The following VPS16 variants were observed in gnomAD, a reference collection of about 807,000 sequenced individuals.
VPS16 encodes the protein vacuolar protein sorting-associated protein 16 homolog.
A neutral mutation model predicts 116.0 loss-of-function variants in VPS16; 82 were observed. The ratio of observed to expected loss-of-function variants is 0.71; its 90% CI spans 0.59 to 0.85. The LOEUF (loss-of-function observed/expected upper bound fraction) is 0.85. Ranked by LOEUF, VPS16 falls within the 40% of genes least tolerant of loss-of-function variation. The pLI is 0.00. For synonymous variants in VPS16, 406 were observed against 420.7 expected (o/e 0.96, Z 0.43); for missense variants, 928 against 1,090.6 (o/e 0.85, Z 2.10).
intron 1 of VPS16, among the ~76,000 whole-genome samples, chr20:2,852,408 G>A (rs1039082640): frequency 6.6e-6 from 1 of 152,070 alleles, no homozygotes; most frequent in Admixed American, 6.6e-5. Flanking sequence ...GAGGCAATGC[G>A]TTGATAACTG....
In VPS16 at chr20:2,860,921, T is replaced by C. The variant is rs772105647; in HGVS notation, c.631-49T>C. 30 of 1,613,922 alleles carry C rather than the reference T, an allele frequency of 1.9e-5. No homozygotes were observed. The highest frequency in any genetic ancestry group is 1.2e-4 in the Admixed American group (7 of 60,014). ...GCTGGGTTAGGCAATAGGGAGGTTC[T>C]GAAAAGTCAGTATGTATCTGTCCCA... On this transcript the variant is annotated intron_variant, in intron 6 of 23. Transcript: ENST00000380445. The surrounding 1 kb of genome is among the most constrained non-coding windows in gnomAD (Gnocchi z 6.1).
chr20:2,859,169 A>G (rs1346883294), intron 1 of VPS16, among the ~76,000 whole-genome samples: 1 of 152,058 alleles, frequency 6.6e-6, no homozygotes, highest in African/African-American at 2.4e-5. Context: ...GTGGTAGTGC[A>G]CCCTGGAGTT....
In VPS16 at chr20:2,861,649, G is replaced by A. The variant is rs750478239; in HGVS notation, c.844G>A (p.Val282Met). The A allele has an allele frequency of 1.2e-6, 2 of 1,613,076 alleles. No individual in the cohort carries two copies. The highest frequency in any genetic ancestry group is 1.3e-5 in the African/African-American group (1 of 74,906). Residue 282 changes from valine to methionine, a missense_variant, in exon 9 of 24, where the codon GTG becomes ATG. By Grantham distance (21) the Val-to-Met change is conservative (BLOSUM62 1). Coordinates refer to ENST00000380445, the MANE Select transcript of VPS16 (RefSeq NM_022575.4). ...TCCTCGTAGCAAGGAGAGGGCCGTG[G>A]TGGTGGCCTGGGAAAGGCGGCTGAT... is the stretch of plus-strand genomic sequence containing the variant. Reference protein sequence around the residue: ...SRPRSKERAVVVAWERRLMVV... With the variant: ...SRPRSKERAVMVAWERRLMVV...
chr20:2,844,736 A>G (rs2089041293), intron 1 of VPS16, among the ~76,000 whole-genome samples: 1 of 152,194 alleles, frequency 6.6e-6, no homozygotes, highest in African/African-American at 2.4e-5. Context: ...GGGGATGAGT[A>G]GATGTAGGTG....
chr20:2,847,687 A>G (rs967587103), intron 1 of VPS16, among the ~76,000 whole-genome samples: 2 of 151,860 alleles, frequency 1.3e-5, no homozygotes, highest in Non-Finnish European at 2.9e-5. Context: ...CCATGTTGGT[A>G]AGGATGGTCT....
At chr20:2,851,249 G>A (rs1179289868) in intron 1 of VPS16, among the ~76,000 whole-genome samples, 3 of 152,190 alleles carry the variant, frequency 2.0e-5, no homozygotes, top group African/African-American at 7.2e-5. Context: ...TCAGCCTGGG[G>A]TGTTAGGTGG....
chr20:2,853,650 T>G lies in VPS16; in HGVS notation c.54-6069T>G, dbSNP rs190822969. Among the ~76,000 whole-genome samples the G allele has an allele frequency of 1.8e-4, 28 of 152,232 alleles. No homozygotes were observed. The East Asian group carries it at 4.8e-3, about 26-fold the overall frequency. On this transcript the variant is annotated intron_variant, in intron 1 of 23. Coordinates refer to ENST00000380445, the MANE Select transcript of VPS16 (RefSeq NM_022575.4). ...ATTTTGATATTTTGACCTCCTCTCA[T>G]GAATCATAAGAGTATTTTATTTTTA... is the stretch of plus-strand genomic sequence containing the variant.
chr20:2,845,904 T>C (rs903839041), intron 1 of VPS16, among the ~76,000 whole-genome samples: 1 of 152,162 alleles, frequency 6.6e-6, no homozygotes, highest in African/African-American at 2.4e-5. Flanking sequence ...TAGCATAATA[T>C]CTTCAAGATT....
At chr20:2,856,235 G>A (rs1464565558) in intron 1 of VPS16, among the ~76,000 whole-genome samples, 2 of 152,188 alleles carry the variant, frequency 1.3e-5, no homozygotes, top group Non-Finnish European at 2.9e-5. Flanking sequence ...CGGCTCGTTG[G>A]TGGAGCAGTC....
At chr20:2,853,431 T>C (rs376830499) in intron 1 of VPS16, among the ~76,000 whole-genome samples, 24 of 152,064 alleles carry the variant, frequency 1.6e-4, no homozygotes, top group African/African-American at 5.8e-4. Context: ...CCACTTTCTT[T>C]GCTCATCCAT....
In VPS16 at chr20:2,860,596, A is replaced by G. The variant is rs757637979; in HGVS notation, c.514+3A>G. The G allele has an allele frequency of 3.1e-6, 5 of 1,613,464 alleles. No homozygotes were observed. Among genetic ancestry groups the G allele is most frequent in the Admixed American group, 3.3e-5 (2 of 59,998 alleles). ...CCGCCGGATGCCAGAGGTGCCAGGT[A>G]AGCCCTGACACCGCTGAGATAGCCA... On this transcript the variant is annotated splice_donor_region_variant and intron_variant, in intron 5 of 23. Coordinates refer to ENST00000380445, the MANE Select transcript of VPS16 (RefSeq NM_022575.4). The surrounding 1 kb of genome is among the most constrained non-coding windows in gnomAD (Gnocchi z 6.1).
intron 1 of VPS16, among the ~76,000 whole-genome samples, chr20:2,848,459 A>G (rs905897253): frequency 3.3e-5 from 5 of 152,088 alleles, no homozygotes; most frequent in African/African-American, 4.8e-5. Flanking sequence ...GAGCGGAGCC[A>G]CTCCCACTTC....
Position 2,860,910 on chromosome 20 carries a change from T to C in VPS16, c.630+47T>C, listed in dbSNP as rs1293650431. ...GAAGTGGACGGGCTGGGTTAGGCAATAGGGAGGTTCTGAAAAGTCAGTATG... is the reference window on the plus strand; with the variant it reads ...GAAGTGGACGGGCTGGGTTAGGCAACAGGGAGGTTCTGAAAAGTCAGTATG... On this transcript the variant is annotated intron_variant, in intron 6 of 23. Transcript: ENST00000380445. The surrounding 1 kb of genome is among the most constrained non-coding windows in gnomAD (Gnocchi z 6.1). 3.7e-6 allele frequency: 6 copies of C among 1,613,754 alleles called. No homozygotes were observed. Among genetic ancestry groups the C allele is most frequent in the East Asian group, 2.2e-5 (1 of 44,890 alleles).
At chr20:2,856,896 CA>C (rs2089176832) in intron 1 of VPS16, among the ~76,000 whole-genome samples, 1 of 151,974 alleles carries the variant, frequency 6.6e-6, no homozygotes, top group Admixed American at 6.6e-5. Flanking sequence ...CTCATATTTT[CA>C]AAATGTTCTT....
At chr20:2,855,603 T>C (rs572492062) in intron 1 of VPS16, among the ~76,000 whole-genome samples, 1 of 152,338 alleles carries the variant, frequency 6.6e-6, no homozygotes, top group Admixed American at 6.5e-5. Context: ...AAGACTGTTT[T>C]GTCTACATTG....
In VPS16 at chr20:2,864,961, C is replaced by T; in HGVS notation, c.1927-17C>T. ...CCTGCATGCTGTGAGTTCAGGCCTT[C>T]CTTCTTGTCTTTATAGCGTATTGAG... On this transcript the variant is annotated splice_polypyrimidine_tract_variant and intron_variant, in intron 19 of 23. Transcript: ENST00000380445. The surrounding 1 kb of genome is among the most constrained non-coding windows in gnomAD (Gnocchi z 5.2). The T allele has an allele frequency of 6.2e-7, 1 of 1,614,150 alleles. No homozygotes were observed. The highest frequency in any genetic ancestry group is 8.5e-7 in the Non-Finnish European group (1 of 1,180,004).
At chr20:2,843,928 T>G (rs2089033681) in intron 1 of VPS16, among the ~76,000 whole-genome samples, 1 of 152,226 alleles carries the variant, frequency 6.6e-6, no homozygotes, top group South Asian at 2.1e-4. Context: ...GCCTTTCTTA[T>G]GTACTAAACA....
Position 2,861,216 on chromosome 20 carries a change from C to T in VPS16, c.754-9C>T, listed in dbSNP as rs1386742537. 2.5e-6 allele frequency: 4 copies of T among 1,614,126 alleles called. No individual in the cohort carries two copies. Among genetic ancestry groups the T allele is most frequent in the Admixed American group, 1.7e-5 (1 of 60,024 alleles). On this transcript the variant is annotated splice_polypyrimidine_tract_variant and intron_variant, in intron 7 of 23. Coordinates refer to ENST00000380445, the MANE Select transcript of VPS16 (RefSeq NM_022575.4). ...GGACAGGGCCATGACATTGCCCACA[C>T]CATTTCAGGAGAAGCTATGTGAGTT...
chr20:2,841,060 C>T, intron 1 of VPS16: 1 of 551,746 alleles, frequency 1.8e-6, no homozygotes, highest in Non-Finnish European at 3.2e-6. Flanking sequence ...AAGCCCAGGT[C>T]TGTTAGCCTC....
Sources: allele counts gnomAD v4.1 joint callset (sites outside exome capture counted in the v4.1 genomes callset), GRCh38; gene constraint gnomAD v4.1.1; non-coding constraint Gnocchi (gnomAD v3.1); transcripts MANE v1.5; gene names NCBI Gene and HGNC (gene_info 2026-07-23, HGNC 2026-07-21).